SASH3: variants seen among roughly 807,000 people sequenced by gnomAD.
The protein encoded by SASH3 is SAM and SH3 domain-containing protein 3.
SASH3 carries 7 observed loss-of-function variants against 26.1 expected under a neutral mutation model. The ratio of observed to expected loss-of-function variants is 0.27; its 90% confidence interval spans 0.15 to 0.50. The LOEUF is 0.50. Among genes scored for constraint, SASH3 ranks in the 20% least tolerant of loss-of-function variants. SASH3 has a pLI of 0.98. For missense variants in SASH3, 231 were observed against 318.3 expected, an observed-to-expected ratio of 0.73 and a Z score of 2.09; for synonymous variants, 138 against 136.8, an observed-to-expected ratio of 1.01 and a Z score of -0.06.
At position 129,792,315 on chromosome X, in the gene SASH3, C is replaced by T; in HGVS notation, c.443-13C>T. 8.3e-7 allele frequency: 1 copy of T among 1,198,030 alleles called. No individual in the cohort carries two copies. ...GACAAAGGTGAGCCTCCTCCCTGCC[C>T]CATCTCCTGCAGGCAGTGAGCTCTG... On this transcript the variant is annotated splice_polypyrimidine_tract_variant and intron_variant, in intron 4 of 7. Transcript: ENST00000356892.
chrX:129,784,092 AC>A (rs202169973), intron 1 of SASH3, among the ~76,000 whole-genome samples: 25 of 106,776 alleles, frequency 2.3e-4, no homozygotes, highest in South Asian at 8.0e-4. Flanking sequence ...CAGTTACTAC[AC>A]CCCCCCCTTC....
At position 129,793,036 on chromosome X, in the gene SASH3, C is replaced by T. The variant is rs1238001967; in HGVS notation, c.849C>T (p.Asp283=). ...TCAATGGCTACCAGACACTGGAAGACTTCAAAGAGCTGCGAGAAACACACC... is the reference window on the plus strand; with the variant it reads ...TCAATGGCTACCAGACACTGGAAGATTTCAAAGAGCTGCGAGAAACACACC... ...LLLNGYQTLE[D]FKELRETHLN... The change falls in exon 7 of 8, where the codon GAC becomes GAT. Residue 283 remains aspartate (D), a synonymous_variant. Coordinates refer to ENST00000356892, the MANE Select transcript of SASH3 (RefSeq NM_018990.4). 1.7e-6 allele frequency: 2 copies of T among 1,209,692 alleles called. No individual in the cohort carries two copies. Among genetic ancestry groups the T allele is most frequent in the Admixed American group, 4.4e-5 (2 of 45,696 alleles).
intron 1 of SASH3, among the ~76,000 whole-genome samples, chrX:129,787,364 G>C (rs1218411335): frequency 8.9e-6 from 1 of 111,940 alleles, no homozygotes; most frequent in Non-Finnish European, 1.9e-5. Flanking sequence ...TCCTAAATCT[G>C]TGGGCCCCTT....
intron 1 of SASH3, among the ~76,000 whole-genome samples, 189 bp downstream of exon 1, chrX:129,780,343 T>G (rs1926993142): frequency 9.0e-6 from 1 of 111,157 alleles, no homozygotes; most frequent in Admixed American, 9.6e-5. Flanking sequence ...TTTAAAATTC[T>G]GGAGCAACAG....
chrX:129,784,290 C>G (rs1207831820), intron 1 of SASH3, among the ~76,000 whole-genome samples: 1 of 112,043 alleles, frequency 8.9e-6, no homozygotes. Context: ...GGGTACTATT[C>G]TTTTGTGTGA....
At chrX:129,792,919 C>A in intron 6 of SASH3, 70 bp from the exon 7 acceptor site, 3 of 1,197,514 alleles carry the variant, frequency 2.5e-6, no homozygotes, top group East Asian at 5.9e-5. Context: ...GACAGCTATG[C>A]GTAGTTGGGG....
Position 129,792,779 on chromosome X carries a change from G to A in SASH3, c.744G>A (p.Lys248=), listed in dbSNP as rs768192596. ...CCCGCCCCAGCCGCCGACAGAGCAAGGGCAAGAGGCCCAAGCCTAAGACCC... is the reference window on the plus strand; with the variant it reads ...CCCGCCCCAGCCGCCGACAGAGCAAAGGCAAGAGGCCCAAGCCTAAGACCC... ...GHARPSRRQS[K]GKRPKPKTLH... is the part of the protein sequence containing the mutation. Residue 248 remains lysine (K), a synonymous_variant, in exon 6 of 8, where the codon AAG becomes AAA. Transcript: ENST00000356892. 24 of 1,203,766 alleles carry A rather than the reference G, an allele frequency of 2.0e-5. No homozygotes were observed. In the South Asian group the frequency reaches 4.3e-4, roughly 22 times the overall value.
chrX:129,784,097 C>T (rs1298965397), intron 1 of SASH3, among the ~76,000 whole-genome samples: 1 of 110,788 alleles, frequency 9.0e-6, no homozygotes, highest in Non-Finnish European at 1.9e-5. Flanking sequence ...ACTACACCCC[C>T]CCCTTCCCCC....
intron 1 of SASH3, among the ~76,000 whole-genome samples, chrX:129,781,108 T>C (rs1927008317): frequency 8.9e-6 from 1 of 112,425 alleles, no homozygotes; most frequent in Admixed American, 9.3e-5. Context: ...TCCAATGGGA[T>C]GCTAGGACAG....
intron 1 of SASH3, among the ~76,000 whole-genome samples, chrX:129,785,644 C>T (rs1390313276): frequency 8.9e-6 from 1 of 112,265 alleles, no homozygotes; most frequent in Admixed American, 9.4e-5. Flanking sequence ...AGAGGGCAGG[C>T]AGGCAGTGAA....
At chrX:129,788,133 G>GGGGGGGGGGGGC in intron 2 of SASH3, 63 bp downstream of exon 2, 2 of 312,621 alleles carry the variant, frequency 6.4e-6, no homozygotes, top group Non-Finnish European at 1.2e-5. Flanking sequence ...GTGGGGGTGG[G>GGGGGGGGGGGGC]AGGGAAGAGG....
intron 1 of SASH3, 67 bp from the exon 2 acceptor site, chrX:129,787,908 G>C (rs897620347): frequency 6.1e-6 from 5 of 816,822 alleles, no homozygotes; most frequent in African/African-American, 4.0e-5. Context: ...GTGGTGGGGG[G>C]AGGCGAGTAT....
chrX:129,788,130 T>TGGGGGGGGGGGG, intron 2 of SASH3, 60 bp downstream of exon 2: 1 of 157,208 alleles, frequency 6.4e-6, no homozygotes, highest in Non-Finnish European at 1.3e-5. Flanking sequence ...GGGGTGGGGG[T>TGGGGGGGGGGGG]GGGAGGGAAG....
intron 6 of SASH3, 49 bp from the exon 7 acceptor site, chrX:129,792,940 C>T: frequency 8.3e-7 from 1 of 1,207,053 alleles, no homozygotes; most frequent in Non-Finnish European, 1.1e-6. Flanking sequence ...AGGACCTAGG[C>T]AGGGGTGGCT....
rs1602928921 is a variant in SASH3, at chrX:129,788,914, C to G, written c.300+337C>G. Among the ~76,000 whole-genome samples, 3 of 109,717 alleles carry G rather than the reference C, an allele frequency of 2.7e-5. 1 individual carries two copies. On this transcript the variant is annotated intron_variant, in intron 3 of 7. Coordinates refer to ENST00000356892, the MANE Select transcript of SASH3 (RefSeq NM_018990.4). ...GGTCAGGAGTTTGAGACCAGCCTGGCCAACATGGCAAAACCCCATCTCTAC... is the reference window on the plus strand; with the variant it reads ...GGTCAGGAGTTTGAGACCAGCCTGGGCAACATGGCAAAACCCCATCTCTAC...
intron 1 of SASH3, among the ~76,000 whole-genome samples, chrX:129,781,194 T>G (rs1261361742): frequency 8.9e-6 from 1 of 112,094 alleles, no homozygotes; most frequent in Admixed American, 9.4e-5. Context: ...TCAGCCCAGG[T>G]GCCCTATGGT....
chrX:129,788,083 G>T lies in SASH3; in HGVS notation c.153+13G>T. On this transcript the variant is annotated intron_variant, in intron 2 of 7. Transcript: ENST00000356892. ...TCTGGATGATAACGTGAGTTTCAGG[G>T]CATCCTTGTGGGATCTGGCTGCAGG... is the stretch of plus-strand genomic sequence containing the variant. The T allele has an allele frequency of 1.0e-6, 1 of 977,969 alleles. No individual in the cohort carries two copies. Among genetic ancestry groups the T allele is most frequent in the Admixed American group, 2.5e-5 (1 of 40,442 alleles). 80.6% of individuals were successfully genotyped at this position (977,969 alleles called of 1,213,427 possible). A position where few individuals can be genotyped will look rare whatever the true frequency, so the allele number is the denominator to read the frequency against.
chrX:129,787,029 T>C (rs1348618220), intron 1 of SASH3, among the ~76,000 whole-genome samples: 2 of 103,430 alleles, frequency 1.9e-5, no homozygotes, highest in Non-Finnish European at 3.9e-5. Context: ...CAGCCGGGCA[T>C]GGTGGCTCAC....
intron 1 of SASH3, among the ~76,000 whole-genome samples, chrX:129,782,259 G>A (rs1927030462): frequency 8.9e-6 from 1 of 112,209 alleles, no homozygotes; most frequent in African/African-American, 3.2e-5. Context: ...GAATAGATGT[G>A]AGAGTACCCT....
Sources: gnomAD v4.1 joint callset for allele counts (sites outside exome capture counted in the v4.1 genomes callset) on GRCh38, gnomAD v4.1.1 for gene constraint, MANE v1.5 for transcripts, NCBI Gene and HGNC (gene_info 2026-07-23, HGNC 2026-07-21) for gene names.